The following RGS12 variants were observed in gnomAD, a reference collection of about 807,000 sequenced individuals.
RGS12 encodes the protein regulator of G protein signaling 12, also known as regulator of G-protein signaling 12.
RGS12 carries 66 observed loss-of-function variants against 120.1 expected under a neutral mutation model. That is an observed-to-expected ratio of 0.55 (90% CI 0.45 to 0.67). The LOEUF (loss-of-function observed/expected upper bound fraction) is 0.67. RGS12 is among the 30% of genes least tolerant of loss of function. The pLI is 0.00. For missense variants in RGS12, 1,859 were observed against 1,957.7 expected, an observed-to-expected ratio of 0.95 and a Z score of 0.95; for synonymous variants, 827 against 804.7, an observed-to-expected ratio of 1.03 and a Z score of -0.47.
At chr4:3,303,932 T>TG (rs1439752810) in intron 1 of RGS12, among the ~76,000 whole-genome samples, 1 of 152,110 alleles carries the variant, frequency 6.6e-6, no homozygotes, top group East Asian at 1.9e-4. Flanking sequence ...CCCCTAATCA[T>TG]TCATGTTTGC....
chr4:3,312,086 A>G (rs1336285982), intron 1 of RGS12, among the ~76,000 whole-genome samples: 1 of 152,104 alleles, frequency 6.6e-6, no homozygotes, highest in African/African-American at 2.4e-5. Flanking sequence ...CAGACTTACT[A>G]AGTCAGAGTC....
intron 1 of RGS12, among the ~76,000 whole-genome samples, chr4:3,310,581 G>T (rs1301201010): frequency 2.0e-5 from 3 of 152,308 alleles, no homozygotes; most frequent in East Asian, 1.9e-4. Context: ...GACTTGGAGG[G>T]CCTCTCAGGT....
Position 3,423,877 on chromosome 4 carries a change from A to T in RGS12, c.3234+236A>T, listed in dbSNP as rs994708388. The T allele has an allele frequency of 1.8e-5, 9 of 493,478 alleles. No individual in the cohort carries two copies. The East Asian group carries it at 3.2e-4, about 17-fold the overall frequency. 30.6% of individuals were successfully genotyped at this position (493,478 alleles called of 1,614,324 possible). A position where few individuals can be genotyped will look rare whatever the true frequency, so the allele number is the denominator to read the frequency against. ...ATTCCAAAAAGAATTGATATTTGAG[A>T]GGTGGTTTTGCTCCAGGGAGGCCAA... On this transcript the variant is annotated intron_variant, in intron 13 of 17. Coordinates refer to ENST00000336727, the MANE Select transcript of RGS12 (RefSeq NM_001394154.1).
At chr4:3,336,211 G>T (rs1712443527) in intron 2 of RGS12, among the ~76,000 whole-genome samples, 1 of 152,222 alleles carries the variant, frequency 6.6e-6, no homozygotes, top group African/African-American at 2.4e-5. Context: ...TGCCAAGTTG[G>T]AGTAATTCCT....
chr4:3,437,881 G>T (rs1006528271), intron 17 of RGS12, among the ~76,000 whole-genome samples: 1 of 152,176 alleles, frequency 6.6e-6, no homozygotes, highest in Non-Finnish European at 1.5e-5. Flanking sequence ...CCTTCCGCCC[G>T]CAGCCCGGAC....
chr4:3,340,497 C>G (rs1462734570), intron 2 of RGS12, among the ~76,000 whole-genome samples: 1 of 152,162 alleles, frequency 6.6e-6, no homozygotes, highest in African/African-American at 2.4e-5. Flanking sequence ...GGCGGGCGCC[C>G]GGGGTGTGGA....
chr4:3,316,433 CT>C lies in RGS12; in HGVS notation c.264del (p.Gly89ValfsTer6), dbSNP rs1325601296. The stretch of plus-strand genomic sequence containing the variant: ...GTAGTGAAATTAATTGGGAAGTGCT[CT>C]GGTGTCCTTCACATGGTGATTGCTG... The part of the protein sequence containing the change: ...EDVVKLIGKC[S>X]GVLHMVIAEG... On this transcript the variant is annotated frameshift_variant, in exon 2 of 18. Transcript: ENST00000336727. LOFTEE classifies it high-confidence loss of function. 6.8e-6 allele frequency: 11 copies of C among 1,614,166 alleles called. No homozygotes were observed. The highest frequency in any genetic ancestry group is 9.3e-6 in the Non-Finnish European group (11 of 1,180,056).
chr4:3,348,727 A>AG (rs1714074621), intron 3 of RGS12, among the ~76,000 whole-genome samples: 1 of 152,350 alleles, frequency 6.6e-6, no homozygotes, highest in African/African-American at 2.4e-5. Context: ...TTAAAACTGG[A>AG]GAAAAAAGTT....
In RGS12 at chr4:3,374,434, G is replaced by C. The variant is rs1717410493; in HGVS notation, c.1999-11982G>C. 6.6e-6 allele frequency among the ~76,000 whole-genome samples: 1 copy of C among 152,084 alleles called. No homozygotes were observed. The highest frequency in any genetic ancestry group is 1.9e-4 in the East Asian group (1 of 5,172). On this transcript the variant is annotated intron_variant, in intron 3 of 17. Coordinates refer to ENST00000336727, the MANE Select transcript of RGS12 (RefSeq NM_001394154.1). The surrounding 1 kb of genome is among the most constrained non-coding windows in gnomAD (Gnocchi z 6.3). ...TCGTCCCTCGCATGCTGCCCTCCCA[G>C]CCTGGCCCTGCAGCAGACACTTCTG...
At chr4:3,407,364 G>A (rs16844282) in intron 4 of RGS12, 3,852 of 152,396 alleles carry the variant, frequency 0.025, 86 homozygotes, top group African/African-American at 0.055. Context: ...TGTCAGCCGT[G>A]TGCTGGGATC....
intron 2 of RGS12, among the ~76,000 whole-genome samples, chr4:3,327,099 A>G (rs927907171): frequency 2.0e-5 from 3 of 152,264 alleles, no homozygotes; most frequent in African/African-American, 7.2e-5. Flanking sequence ...TGTTACTGGT[A>G]TAAAACTAGA....
At chr4:3,306,482 TC>T in intron 1 of RGS12, among the ~76,000 whole-genome samples, 1 of 152,370 alleles carries the variant, frequency 6.6e-6, no homozygotes, top group East Asian at 1.9e-4. Context: ...CACCCCTGTT[TC>T]ATCTAAATTT....
intron 3 of RGS12, among the ~76,000 whole-genome samples, chr4:3,363,833 G>T (rs1015420029): frequency 6.6e-6 from 1 of 152,124 alleles, no homozygotes; most frequent in Non-Finnish European, 1.5e-5. Context: ...CTGGAAGGAA[G>T]CTTGGTACTA....
chr4:3,411,686 C>T (rs73079009), intron 4 of RGS12, among the ~76,000 whole-genome samples: 2 of 152,258 alleles, frequency 1.3e-5, no homozygotes, highest in African/African-American at 4.8e-5. Flanking sequence ...GGACCCCTGC[C>T]CCAGAGAGAG....
intron 2 of RGS12, among the ~76,000 whole-genome samples, chr4:3,319,682 C>T (rs1247490956): frequency 2.0e-5 from 3 of 152,204 alleles, no homozygotes; most frequent in African/African-American, 4.8e-5. Flanking sequence ...TGAGCTCAAG[C>T]GATCCTTCTG....
At chr4:3,320,316 T>C (rs552549071) in intron 2 of RGS12, among the ~76,000 whole-genome samples, 3 of 152,202 alleles carry the variant, frequency 2.0e-5, no homozygotes, top group Admixed American at 6.5e-5. Flanking sequence ...ATGCCAGCCT[T>C]GGGCTTCTTT....
chr4:3,360,904 C>T (rs1196324282), intron 3 of RGS12, among the ~76,000 whole-genome samples: 1 of 152,174 alleles, frequency 6.6e-6, no homozygotes, highest in Non-Finnish European at 1.5e-5. Flanking sequence ...CAGGTGCTAG[C>T]CAAAGTCACA....
intron 4 of RGS12, among the ~76,000 whole-genome samples, chr4:3,409,595 G>C (rs1200090968): frequency 6.6e-6 from 1 of 152,230 alleles, no homozygotes; most frequent in African/African-American, 2.4e-5. Flanking sequence ...GAGTGGCCAG[G>C]GAACAGGGGA....
chr4:3,299,281 G>C (rs2110353075), intron 1 of RGS12, among the ~76,000 whole-genome samples: 1 of 152,132 alleles, frequency 6.6e-6, no homozygotes, highest in Middle Eastern at 3.4e-3. Flanking sequence ...CTTCCCCAGT[G>C]ACCTCCTTTC....
Sources: gnomAD v4.1 joint callset for allele counts (sites outside exome capture counted in the v4.1 genomes callset) on GRCh38, gnomAD v4.1.1 for gene constraint, Gnocchi (gnomAD v3.1) non-coding constraint, MANE v1.5 for transcripts, NCBI Gene and HGNC (gene_info 2026-07-23, HGNC 2026-07-21) for gene names.